The following TRIM55 variants were observed in gnomAD, a reference collection of about 807,000 sequenced individuals.
TRIM55 encodes the protein tripartite motif-containing protein 55.
A neutral mutation model predicts 60.9 loss-of-function variants in TRIM55; 50 were observed. The observed-to-expected ratio is 0.82, with a 90% CI of 0.65 to 1.04. The LOEUF is 1.04. Among genes scored for constraint, TRIM55 ranks in the 50% least tolerant of loss-of-function variants. TRIM55 has a pLI of 0.00. For synonymous variants in TRIM55, 237 were observed against 238.1 expected, an observed-to-expected ratio of 1.00 and a Z score of 0.04; for missense variants, 681 against 666.9, an observed-to-expected ratio of 1.02 and a Z score of -0.23.
intron 9 of TRIM55, among the ~76,000 whole-genome samples, chr8:66,171,558 A>G (rs1055548000): frequency 6.6e-6 from 1 of 152,210 alleles, no homozygotes; most frequent in Admixed American, 6.5e-5. Context: ...ACCAAACTGG[A>G]ATGCAGGACA....
At chr8:66,137,042 CG>C in intron 3 of TRIM55, 52 bp from the exon 4 acceptor site, 1 of 1,455,504 alleles carries the variant, frequency 6.9e-7, no homozygotes, top group South Asian at 1.2e-5. Flanking sequence ...AATTCACAGT[CG>C]GGGTGGCTAG....
At position 66,154,339 on chromosome 8, in the gene TRIM55, G is replaced by A; in HGVS notation, c.1524+5G>A. The A allele has an allele frequency of 1.2e-6, 2 of 1,613,410 alleles. No homozygotes were observed. The highest frequency in any genetic ancestry group is 1.7e-6 in the Non-Finnish European group (2 of 1,179,426). ...GCACCTGCAGCTACTTCTCAGGTTA[G>A]TGATGATGCACTTGTGTCTATGCTT... On this transcript the variant is annotated splice_donor_5th_base_variant and intron_variant, in intron 9 of 9. Transcript: ENST00000315962.
chr8:66,152,449 CAGT>C lies in TRIM55; in HGVS notation c.1061_1063del (p.Val354del). ...GGAGAAGGAGAAGTGGGAGGAGAAG[CAGT>C]AGAAGTGGAAGAGGTAGAAAATGTT... On this transcript the variant is annotated inframe_deletion, in exon 8 of 10. Coordinates refer to ENST00000315962, the MANE Select transcript of TRIM55 (RefSeq NM_184085.2). 1 of 1,613,536 alleles carries C rather than the reference CAGT, an allele frequency of 6.2e-7. No individual in the cohort carries two copies. Among genetic ancestry groups the C allele is most frequent in the Non-Finnish European group, 8.5e-7 (1 of 1,179,554 alleles).
At chr8:66,169,297 C>G (rs1811491600) in intron 9 of TRIM55, among the ~76,000 whole-genome samples, 1 of 152,148 alleles carries the variant, frequency 6.6e-6, no homozygotes, top group African/African-American at 2.4e-5. Context: ...AAGCGCATAT[C>G]CACCAATCTG....
upstream of TRIM55, among the ~76,000 whole-genome samples, chr8:66,126,374 G>A (rs1013127098): frequency 3.9e-5 from 6 of 152,192 alleles, no homozygotes; most frequent in Admixed American, 2.6e-4. Flanking sequence ...GTTTTTGGGT[G>A]TATGTAGGAG....
intron 8 of TRIM55, among the ~76,000 whole-genome samples, chr8:66,153,780 G>T (rs1810571356): frequency 6.6e-6 from 1 of 152,076 alleles, no homozygotes; most frequent in African/African-American, 2.4e-5. Context: ...TGAGGTTTCT[G>T]CTCTCTGCCT....
intron 2 of TRIM55, among the ~76,000 whole-genome samples, chr8:66,130,421 T>G (rs902942601): frequency 6.6e-6 from 1 of 152,212 alleles, no homozygotes; most frequent in Non-Finnish European, 1.5e-5. Context: ...GCCACATGTC[T>G]GGGAGGAAAC....
At chr8:66,128,067 C>G (rs1808920422) in intron 1 of TRIM55, among the ~76,000 whole-genome samples, 1 of 152,012 alleles carries the variant, frequency 6.6e-6, no homozygotes, top group Admixed American at 6.6e-5. Flanking sequence ...ACTTTTGGTT[C>G]TGAAAGTGGT....
chr8:66,165,750 A>C (rs1811293278), intron 9 of TRIM55, among the ~76,000 whole-genome samples: 1 of 152,148 alleles, frequency 6.6e-6, no homozygotes, highest in Non-Finnish European at 1.5e-5. Context: ...GCCTATATTT[A>C]CTCCAAAATA....
intron 5 of TRIM55, 142 bp from the exon 6 acceptor site, chr8:66,150,075 G>T: frequency 9.5e-7 from 1 of 1,057,454 alleles, no homozygotes; most frequent in South Asian, 1.6e-5. Context: ...ATCTAATAGG[G>T]TTCTGTTATA....
chr8:66,154,454 A>G, intron 9 of TRIM55, 120 bp downstream of exon 9: 1 of 1,053,450 alleles, frequency 9.5e-7, no homozygotes, highest in East Asian at 2.6e-5. Flanking sequence ...AGCCAGGGGA[A>G]AAGTACAGAA....
intron 2 of TRIM55, among the ~76,000 whole-genome samples, chr8:66,131,970 A>C (rs1028918897): frequency 1.3e-5 from 2 of 152,254 alleles, no homozygotes; most frequent in African/African-American, 4.8e-5. Context: ...CAGAATAAAT[A>C]CATAAATACA....
chr8:66,129,404 A>G (rs1356822372), intron 2 of TRIM55, among the ~76,000 whole-genome samples: 1 of 152,212 alleles, frequency 6.6e-6, no homozygotes, highest in African/African-American at 2.4e-5. Context: ...ACACGTATTT[A>G]TGGAACATCT....
At chr8:66,124,875 G>A (rs1256304567), upstream of TRIM55, among the ~76,000 whole-genome samples, 1 of 152,154 alleles carries the variant, frequency 6.6e-6, no homozygotes, top group Non-Finnish European at 1.5e-5. Context: ...ATGGTACGAA[G>A]GACAGAACTC....
chr8:66,158,244 T>C (rs1470793283), intron 9 of TRIM55, among the ~76,000 whole-genome samples: 2 of 151,356 alleles, frequency 1.3e-5, no homozygotes, highest in Non-Finnish European at 2.9e-5. Context: ...GACTTTGGCA[T>C]TGAAATCCTT....
chr8:66,150,597 C>A, intron 7 of TRIM55, 131 bp downstream of exon 7: 1 of 1,041,284 alleles, frequency 9.6e-7, no homozygotes, highest in Non-Finnish European at 1.4e-6. Context: ...AGGATCATAT[C>A]CAATGTGAAG....
At chr8:66,114,814 C>T in the TRIM55 span, 1 of 334,986 alleles carries the variant, frequency 3.0e-6, no homozygotes, top group African/African-American at 2.2e-5. Flanking sequence ...CAGGGGCTGC[C>T]GTTGGAGGAG....
intron 2 of TRIM55, among the ~76,000 whole-genome samples, chr8:66,132,713 G>A (rs1023401056): frequency 1.1e-4 from 17 of 152,056 alleles, no homozygotes; most frequent in African/African-American, 2.4e-4. Context: ...ATGCCAAATC[G>A]GTCCCAAGTC....
intron 1 of TRIM55, 108 bp downstream of exon 1, chr8:66,127,544 T>C (rs2128971985): frequency 1.5e-6 from 2 of 1,368,988 alleles, no homozygotes; most frequent in Non-Finnish European, 2.0e-6. Context: ...CTTTATAAGG[T>C]TGCCGGGCGC....
Sources: gnomAD v4.1 joint callset for allele counts (sites outside exome capture counted in the v4.1 genomes callset) on GRCh38, gnomAD v4.1.1 for gene constraint, MANE v1.5 for transcripts, NCBI Gene and HGNC (gene_info 2026-07-23, HGNC 2026-07-21) for gene names.